The following GAS2 variants were observed in gnomAD, a reference collection of about 807,000 sequenced individuals.
GAS2 encodes the protein growth arrest-specific protein 2.
GAS2 carries 20 observed loss-of-function variants against 37.5 expected under a neutral mutation model. The observed-to-expected ratio is 0.53, with a 90% CI of 0.37 to 0.77. The LOEUF is 0.77. Ranked by LOEUF, GAS2 falls within the 30% of genes least tolerant of loss-of-function variation. The probability of loss-of-function intolerance (pLI) is 0.00; values close to 1 mark genes in which losing one functional copy is unlikely to be tolerated. For missense variants in GAS2, 336 were observed against 373.4 expected (o/e 0.90, Z 0.82); for synonymous variants, 144 against 132.2 (o/e 1.09, Z -0.61).
chr11:22,705,489 TAAA>T (rs1157508080), intron 3 of GAS2, among the ~76,000 whole-genome samples: 5 of 152,154 alleles, frequency 3.3e-5, no homozygotes, highest in Admixed American at 6.5e-5. Context: ...ATCTGATAAA[TAAA>T]AGAAGACTAA....
intron 1 of GAS2, among the ~76,000 whole-genome samples, chr11:22,651,747 C>T (rs536497045): frequency 1.7e-4 from 26 of 152,260 alleles, no homozygotes; most frequent in African/African-American, 5.8e-4. Context: ...ATGTAGTTCT[C>T]GAGCCTTGGT....
Position 22,762,015 on chromosome 11 carries a change from C to G in GAS2, c.723+6062C>G, listed in dbSNP as rs1232909676. Among the ~76,000 whole-genome samples the G allele has an allele frequency of 5.9e-5, 9 of 152,126 alleles. No individual in the cohort carries two copies. In the South Asian group the frequency reaches 1.9e-3, roughly 31 times the overall value. Reference sequence around the variant, plus strand: ...TTAACCATAGAAATAGTCTCCCTCCCACCTTTTTATCCCCCAGAGCATCTT... The same window carrying G: ...TTAACCATAGAAATAGTCTCCCTCCGACCTTTTTATCCCCCAGAGCATCTT... On this transcript the variant is annotated intron_variant, in intron 7 of 7. Transcript: ENST00000454584.
At chr11:22,638,833 C>T (rs953691375) in intron 1 of GAS2, among the ~76,000 whole-genome samples, 2 of 152,064 alleles carry the variant, frequency 1.3e-5, no homozygotes, top group Admixed American at 1.3e-4. Context: ...TTGGACTCCA[C>T]ATCTTCAGAC....
At position 22,736,267 on chromosome 11, in the gene GAS2, T is replaced by C. The variant is rs144172514; in HGVS notation, c.410-1438T>C. Among the ~76,000 whole-genome samples, 387 of 152,114 alleles carry C rather than the reference T, an allele frequency of 2.5e-3. 1 individual carries two copies. Among genetic ancestry groups the C allele is most frequent in the African/African-American group, 8.7e-3 (363 of 41,562 alleles). On this transcript the variant is annotated intron_variant, in intron 4 of 7. Transcript: ENST00000454584. ...AGTAAATATCTTCATTTTAAGCCCTTTTAATTAAAAGCAATTAAAAATTCC... is the reference window on the plus strand; with the variant it reads ...AGTAAATATCTTCATTTTAAGCCCTCTTAATTAAAAGCAATTAAAAATTCC...
At chr11:22,811,101 A>G (rs1281814793) in intron 7 of GAS2, among the ~76,000 whole-genome samples, 1 of 152,186 alleles carries the variant, frequency 6.6e-6, no homozygotes, top group African/African-American at 2.4e-5. Flanking sequence ...ACTAGATACA[A>G]AGAATCATGC....
At chr11:22,648,050 G>T (rs899121792) in intron 1 of GAS2, among the ~76,000 whole-genome samples, 5 of 152,284 alleles carry the variant, frequency 3.3e-5, no homozygotes, top group African/African-American at 1.2e-4. Context: ...GGTTTTTATG[G>T]TTTTAGGTCT....
At chr11:22,756,494 T>C (rs1050520831) in intron 7 of GAS2, among the ~76,000 whole-genome samples, 1 of 152,148 alleles carries the variant, frequency 6.6e-6, no homozygotes, top group African/African-American at 2.4e-5. Context: ...AATAGAATGA[T>C]TTGAATACGT....
chr11:22,794,681 A>G (rs1564892377), intron 7 of GAS2, among the ~76,000 whole-genome samples: 1 of 152,092 alleles, frequency 6.6e-6, no homozygotes, highest in Non-Finnish European at 1.5e-5. Flanking sequence ...AATAATTTCA[A>G]TTTTTCTGGA....
At chr11:22,640,503 T>C (rs1858896069) in intron 1 of GAS2, among the ~76,000 whole-genome samples, 1 of 152,214 alleles carries the variant, frequency 6.6e-6, no homozygotes, top group African/African-American at 2.4e-5. Context: ...TTACCTATTT[T>C]ATCAACAACA....
At chr11:22,670,505 T>TTA (rs1248043570) in intron 1 of GAS2, among the ~76,000 whole-genome samples, 1 of 152,178 alleles carries the variant, frequency 6.6e-6, no homozygotes, top group Non-Finnish European at 1.5e-5. Context: ...TCTTAATTAT[T>TTA]TAGAGTTCTA....
rs186427876 is a variant in GAS2, at chr11:22,762,759, T to C, written c.723+6806T>C. On this transcript the variant is annotated intron_variant, in intron 7 of 7. Transcript: ENST00000454584. Reference sequence around the variant, plus strand: ...ATTTTTGTTACTGTATGATGGACACTGTATAAAATTCTTTATGTGGTCTAT... The same window carrying C: ...ATTTTTGTTACTGTATGATGGACACCGTATAAAATTCTTTATGTGGTCTAT... Among the ~76,000 whole-genome samples, 564 of 152,310 alleles carry C rather than the reference T, an allele frequency of 3.7e-3. 6 individuals are homozygous for C. Among genetic ancestry groups the C allele is most frequent in the African/African-American group, 0.013 (524 of 41,572 alleles).
intron 3 of GAS2, among the ~76,000 whole-genome samples, chr11:22,694,337 T>G (rs1413235536): frequency 6.6e-6 from 1 of 152,168 alleles, no homozygotes; most frequent in Admixed American, 6.6e-5. Context: ...GGAAATTAAG[T>G]GCCAACGTGT....
At chr11:22,707,355 TAAAC>T (rs746421311) in intron 3 of GAS2, among the ~76,000 whole-genome samples, 3 of 152,182 alleles carry the variant, frequency 2.0e-5, no homozygotes, top group Admixed American at 6.6e-5. Context: ...CAAGGAAACA[TAAAC>T]AAATGAGTAA....
At chr11:22,653,613 G>A (rs1483317651) in intron 1 of GAS2, among the ~76,000 whole-genome samples, 3 of 152,082 alleles carry the variant, frequency 2.0e-5, no homozygotes, top group African/African-American at 7.2e-5. Context: ...CTGTACTATA[G>A]GCTATACTCT....
In GAS2 at chr11:22,675,018, A is replaced by G. The variant is rs750350835; in HGVS notation, c.145+4A>G. 1 of 1,612,496 alleles carries G rather than the reference A, an allele frequency of 6.2e-7. No homozygotes were observed. Among genetic ancestry groups the G allele is most frequent in the Non-Finnish European group, 8.5e-7 (1 of 1,179,316 alleles). ...TTGTGGTTAACCAATCTATTAGGTAAGGTTATAAGATCTCATTTTGTGAGC... is the reference window on the plus strand; with the variant it reads ...TTGTGGTTAACCAATCTATTAGGTAGGGTTATAAGATCTCATTTTGTGAGC... On this transcript the variant is annotated splice_donor_region_variant and intron_variant, in intron 2 of 7. Coordinates refer to ENST00000454584, the MANE Select transcript of GAS2 (RefSeq NM_001143830.3).
At chr11:22,777,680 T>C (rs1481007888) in intron 7 of GAS2, among the ~76,000 whole-genome samples, 2 of 152,102 alleles carry the variant, frequency 1.3e-5, no homozygotes, top group South Asian at 2.1e-4. Context: ...GTTAGTTTGA[T>C]TGGAGATTAT....
chr11:22,711,185 C>T (rs771828691), intron 3 of GAS2, among the ~76,000 whole-genome samples: 21 of 152,172 alleles, frequency 1.4e-4, no homozygotes, highest in Non-Finnish European at 2.6e-4. Context: ...CCTCTAAACA[C>T]ATATCCCCAC....
chr11:22,710,760 T>C (rs1481667441), intron 3 of GAS2, among the ~76,000 whole-genome samples: 1 of 152,174 alleles, frequency 6.6e-6, no homozygotes. Context: ...GTCTTATCAC[T>C]CAGCTGTGAC....
chr11:22,768,784 G>C (rs1854826242), intron 7 of GAS2, among the ~76,000 whole-genome samples: 1 of 152,112 alleles, frequency 6.6e-6, no homozygotes. Flanking sequence ...AGACTATGGG[G>C]GAATGCAGAG....
Sources: gnomAD v4.1 joint callset for allele counts (sites outside exome capture counted in the v4.1 genomes callset) on GRCh38, gnomAD v4.1.1 for gene constraint, MANE v1.5 for transcripts, NCBI Gene and HGNC (gene_info 2026-07-23, HGNC 2026-07-21) for gene names.